Variants in PCDH15 observed in about 807,000 individuals in gnomAD.
PCDH15 encodes the protein protocadherin-15.
In PCDH15, 129 loss-of-function variants were observed where a neutral mutation model predicts 178.5. That is an observed-to-expected ratio of 0.72 (90% CI 0.63 to 0.84). The LOEUF is 0.84. Among genes scored for constraint, PCDH15 ranks in the 40% least tolerant of loss-of-function variants. The pLI is 0.00. For synonymous variants in PCDH15, 800 were observed against 732.0 expected (o/e 1.09, Z -1.50); for missense variants, 2,230 against 2,099.9 (o/e 1.06, Z -1.21).
rs1477125441 is a variant in PCDH15, at chr10:53,934,878, T to C, written c.3373+3937A>G. ...TTTCTTAGCCTTCTGTCAGTTTCTA[T>C]TGCACAAGAGCATAAGAACTTGTGG... On this transcript the variant is annotated intron_variant, in intron 25 of 37. Coordinates refer to ENST00000644397, the MANE Select transcript of PCDH15 (RefSeq NM_001384140.1). Among the ~76,000 whole-genome samples, 8 of 151,662 alleles carry C rather than the reference T, an allele frequency of 5.3e-5. No homozygotes were observed. The South Asian group carries it at 1.2e-3, about 24-fold the overall frequency.
At chr10:54,728,961 A>T (rs192287787) in intron 1 of PCDH15, among the ~76,000 whole-genome samples, 150 of 151,720 alleles carry the variant, frequency 9.9e-4, no homozygotes, top group Non-Finnish European at 8.9e-5. Flanking sequence ...ATGCTCATGG[A>T]TAACAAGAAT....
chr10:54,664,321 T>G (rs548331856), intron 1 of PCDH15, 31 bp from the exon 2 acceptor site: 2 of 1,360,112 alleles, frequency 1.5e-6, no homozygotes, highest in African/African-American at 2.9e-5. Flanking sequence ...AAGAAACATT[T>G]GACATGTTCA....
intron 2 of PCDH15, among the ~76,000 whole-genome samples, chr10:54,582,474 T>C (rs989576956): frequency 1.3e-5 from 2 of 152,132 alleles, no homozygotes; most frequent in Non-Finnish European, 2.9e-5. Flanking sequence ...ATTATTTTTC[T>C]TGTCATAATT....
At chr10:55,334,280 G>A (rs868698492) in intron 2 of PCDH15, among the ~76,000 whole-genome samples, 34 of 130,040 alleles carry the variant, frequency 2.6e-4, no homozygotes, top group African/African-American at 9.6e-4. Flanking sequence ...GTGTGTGTGT[G>A]TGTGTATGTG....
At chr10:55,162,464 G>C (rs1839091565) in intron 2 of PCDH15, among the ~76,000 whole-genome samples, 3 of 152,064 alleles carry the variant, frequency 2.0e-5, no homozygotes, top group African/African-American at 7.2e-5. Flanking sequence ...TGCAAAAATG[G>C]TAACAGGGAG....
chr10:54,128,579 T>A (rs1157861337), intron 15 of PCDH15, among the ~76,000 whole-genome samples: 2 of 152,222 alleles, frequency 1.3e-5, no homozygotes, highest in African/African-American at 4.8e-5. Context: ...CAGACTTTTT[T>A]TGTAATAACA....
chr10:55,434,505 A>G (rs1838985417), intron 2 of PCDH15, among the ~76,000 whole-genome samples: 1 of 152,190 alleles, frequency 6.6e-6, no homozygotes, highest in Non-Finnish European at 1.5e-5. Flanking sequence ...GAGATGTTTA[A>G]CATATTGATG....
rs552407015 is a variant in PCDH15 at position 54,856,872 on chromosome 10, G to A, written c.-29+40578C>T. On this transcript the variant is annotated intron_variant, in intron 3 of 5. Transcript: ENST00000458638. ...ATAATCAAACATCACAAGAAATCCAGTGATAAGAACTGTTGTGGCAGATCC... is the reference window on the plus strand; with the variant it reads ...ATAATCAAACATCACAAGAAATCCAATGATAAGAACTGTTGTGGCAGATCC... Among the ~76,000 whole-genome samples, 14 of 152,272 alleles carry A rather than the reference G, an allele frequency of 9.2e-5. No homozygotes were observed. The South Asian group carries it at 1.9e-3, about 20-fold the overall frequency.
intron 21 of PCDH15, among the ~76,000 whole-genome samples, chr10:53,984,148 C>CTTTT (rs66540462): frequency 2.8e-4 from 18 of 63,534 alleles, no homozygotes; most frequent in South Asian, 5.3e-4. Flanking sequence ...TTTTTCTTTT[C>CTTTT]TTTTTTTTTT....
intron 2 of PCDH15, among the ~76,000 whole-genome samples, chr10:55,467,986 A>AAAAAAAAAAAAAAAAAAAAAAAAAT (rs1839871292): frequency 6.7e-6 from 1 of 148,546 alleles, no homozygotes; most frequent in South Asian, 2.1e-4. Context: ...AAAAAAAAAA[A>AAAAAAAAAAAAAAAAAAAAAAAAAT]AAAAAGAATT....
intron 1 of PCDH15, among the ~76,000 whole-genome samples, chr10:54,694,678 A>G (rs566544104): frequency 6.6e-6 from 1 of 152,188 alleles, no homozygotes; most frequent in Non-Finnish European, 1.5e-5. Context: ...GATTTGGGCC[A>G]CCACAAACCA....
At chr10:53,915,858 G>T (rs997393924) in intron 25 of PCDH15, among the ~76,000 whole-genome samples, 4 of 152,006 alleles carry the variant, frequency 2.6e-5, no homozygotes, top group Admixed American at 6.6e-5. Flanking sequence ...TGCCCGGCCC[G>T]TATTTGTATA....
intron 1 of PCDH15, among the ~76,000 whole-genome samples, chr10:55,196,549 A>C (rs890115075): frequency 1.3e-5 from 2 of 152,196 alleles, no homozygotes; most frequent in South Asian, 2.1e-4. Flanking sequence ...CACAGGTACA[A>C]TATAAGGACA....
intron 3 of PCDH15, among the ~76,000 whole-genome samples, chr10:54,517,398 A>T (rs1280105794): frequency 1.3e-5 from 2 of 152,316 alleles, no homozygotes; most frequent in East Asian, 1.9e-4. Context: ...AAAAAACGGC[A>T]GGAGTTGCAA....
At chr10:53,941,377 T>C (rs1236985478) in intron 23 of PCDH15, among the ~76,000 whole-genome samples, 1 of 152,146 alleles carries the variant, frequency 6.6e-6, no homozygotes, top group East Asian at 1.9e-4. Flanking sequence ...GTAGTGTCTC[T>C]ATGGTTTTGC....
At chr10:54,421,120 TG>T (rs1455235526) in intron 3 of PCDH15, among the ~76,000 whole-genome samples, 10 of 152,262 alleles carry the variant, frequency 6.6e-5, no homozygotes, top group Admixed American at 6.5e-4. Context: ...CTTATTGTAT[TG>T]TATTGTATTT....
At chr10:53,825,679 CTTTT>C (rs1277862814) in intron 32 of PCDH15, among the ~76,000 whole-genome samples, 3 of 151,338 alleles carry the variant, frequency 2.0e-5, no homozygotes, top group Admixed American at 6.6e-5. Context: ...TGACTTTGTT[CTTTT>C]TAAGATAATT....
At chr10:55,531,790 C>T (rs1056656528) in intron 2 of PCDH15, among the ~76,000 whole-genome samples, 1 of 152,030 alleles carries the variant, frequency 6.6e-6, no homozygotes, top group Admixed American at 6.6e-5. Context: ...TATTTTGCAA[C>T]ATATGACATC....
intron 3 of PCDH15, among the ~76,000 whole-genome samples, chr10:54,515,299 CT>C (rs1414501562): frequency 6.6e-6 from 1 of 152,194 alleles, no homozygotes; most frequent in African/African-American, 2.4e-5. Flanking sequence ...TTCCAACGGG[CT>C]TAAAAAACGG....
Sources: gnomAD v4.1 joint callset for allele counts (sites outside exome capture counted in the v4.1 genomes callset) on GRCh38, gnomAD v4.1.1 for gene constraint, MANE v1.5 for transcripts, NCBI Gene and HGNC (gene_info 2026-07-23, HGNC 2026-07-21) for gene names.